The following DMD variants were observed in gnomAD, a reference collection of about 807,000 sequenced individuals.
DMD encodes the protein mutant dystrophin.
In DMD, 63 loss-of-function variants were observed where a neutral mutation model predicts 330.1. The ratio of observed to expected loss-of-function variants is 0.19; its 90% CI spans 0.16 to 0.24. The LOEUF (loss-of-function observed/expected upper bound fraction) is 0.24, where lower values mean the gene tolerates loss of function less well. Ranked by LOEUF, DMD falls within the 10% of genes least tolerant of loss-of-function variation. The pLI, the probability that DMD is intolerant of heterozygous loss-of-function variation, is 1.00. For missense variants in DMD, 3,344 were observed against 2,684.1 expected (o/e 1.25, Z -5.43); for synonymous variants, 1,223 against 959.8 (o/e 1.27, Z -5.07).
At chrX:32,085,682 ATATATATACGTATATATACACACGCG>A (rs960771342) in intron 44 of DMD, among the ~76,000 whole-genome samples, 6 of 90,928 alleles carry the variant, frequency 6.6e-5, no homozygotes, top group Non-Finnish European at 1.3e-4. Context: ...ACACACGCGT[ATATATATACGTATATATACACACGCG>A]TATATATATA....
chrX:33,129,863 T>G (rs984977915), intron 1 of DMD, among the ~76,000 whole-genome samples: 1 of 112,098 alleles, frequency 8.9e-6, no homozygotes, highest in South Asian at 3.7e-4. Flanking sequence ...CTCATTGTCG[T>G]ACTGCTTAGA....
intron 76 of DMD, among the ~76,000 whole-genome samples, chrX:31,138,040 G>T (rs2035479584): frequency 8.9e-6 from 1 of 112,023 alleles, no homozygotes; most frequent in South Asian, 3.8e-4. Context: ...TCCCTGGCCT[G>T]GGGATTCGGA....
At chrX:32,895,037 A>G (rs777254765) in intron 2 of DMD, among the ~76,000 whole-genome samples, 2 of 112,332 alleles carry the variant, frequency 1.8e-5, no homozygotes, top group East Asian at 5.7e-4. Context: ...TATGTAAACA[A>G]CAACCTTCTC....
At position 32,085,061 on chromosome X, in the gene DMD, G is replaced by A. The variant is rs185494027; in HGVS notation, c.6439-116547C>T. 2.1e-3 allele frequency among the ~76,000 whole-genome samples: 238 copies of A among 110,984 alleles called. 4 individuals are homozygous for A. The Admixed American group carries it at 0.023, about 11-fold the overall frequency. Reference sequence around the variant, plus strand: ...CATGCTGACTGTACACTCTTGAAAGGCAAGCCAAATTATTCCTTCCTAGAC... The same window carrying A: ...CATGCTGACTGTACACTCTTGAAAGACAAGCCAAATTATTCCTTCCTAGAC... On this transcript the variant is annotated intron_variant, in intron 44 of 78. Transcript: ENST00000357033.
chrX:32,086,717 T>C (rs191833365), intron 44 of DMD, among the ~76,000 whole-genome samples: 3 of 111,796 alleles, frequency 2.7e-5, no homozygotes, highest in Admixed American at 1.9e-4. Context: ...GACATTCTTA[T>C]TTGTCTGTGT....
rs557734746 is a variant in DMD at position 33,067,946 on chromosome X, C to G, written c.32-47746G>C. Among the ~76,000 whole-genome samples the G allele has an allele frequency of 3.6e-5, 4 of 112,110 alleles. No individual in the cohort carries two copies. In the South Asian group the frequency reaches 1.1e-3, roughly 31 times the overall value. ...TAATACTGATTCTCATTATAAATTA[C>G]TGTAACTTTTAGTTGTCTTAAATAT... On this transcript the variant is annotated intron_variant, in intron 1 of 78. Transcript: ENST00000357033.
intron 47 of DMD, among the ~76,000 whole-genome samples, chrX:31,899,785 A>T (rs1024581463): frequency 2.7e-5 from 3 of 111,278 alleles, no homozygotes; most frequent in Non-Finnish European, 5.7e-5. Flanking sequence ...ATACCAGAGA[A>T]TCTAATTCCA....
intron 1 of DMD, among the ~76,000 whole-genome samples, chrX:33,203,521 G>A (rs1350693822): frequency 9.0e-6 from 1 of 111,516 alleles, no homozygotes; most frequent in African/African-American, 3.3e-5. Context: ...AGATGGTAGA[G>A]ACTGTGGAAA....
chrX:31,607,438 T>C (rs1425960416), intron 55 of DMD, among the ~76,000 whole-genome samples: 1 of 112,177 alleles, frequency 8.9e-6, no homozygotes, highest in African/African-American at 3.2e-5. Context: ...TTTTGAGCAA[T>C]CAAACTCCTT....
chrX:33,124,500 A>C lies in DMD; in HGVS notation c.31+86782T>G, dbSNP rs113505342. Among the ~76,000 whole-genome samples, 60 of 104,387 alleles carry C rather than the reference A, an allele frequency of 5.7e-4. 2 individuals carry two copies. Among genetic ancestry groups the C allele is most frequent in the African/African-American group, 2.1e-3 (56 of 27,179 alleles). The allele number at this position is 104,387 out of a possible 115,157, so 90.6% of individuals were successfully genotyped here. ...TGAAAAAAAAAAAAAAAAAAAAAAA[A>C]AAAAAAAAAACCGAAAGAAATAAAA... On this transcript the variant is annotated intron_variant, in intron 1 of 78. Transcript: ENST00000357033.
At chrX:32,544,758 T>A (rs745761808) in intron 17 of DMD, among the ~76,000 whole-genome samples, 5 of 109,722 alleles carry the variant, frequency 4.6e-5, no homozygotes, top group Non-Finnish European at 3.8e-5. Context: ...ATAGGTGTAC[T>A]TCTTCATGAA....
intron 1 of DMD, among the ~76,000 whole-genome samples, chrX:33,273,249 T>G: frequency 8.9e-6 from 1 of 112,266 alleles, no homozygotes; most frequent in South Asian, 3.7e-4. Flanking sequence ...CAACCCTGGT[T>G]ATAATCTCTG....
intron 3 of DMD, among the ~76,000 whole-genome samples, chrX:32,848,481 TC>T (rs1163599561): frequency 1.8e-5 from 2 of 111,761 alleles, no homozygotes; most frequent in East Asian, 5.6e-4. Context: ...AATCTGATTT[TC>T]CCCCTTGACT....
At chrX:32,433,775 G>A (rs1291929854) in intron 29 of DMD, among the ~76,000 whole-genome samples, 1 of 112,022 alleles carries the variant, frequency 8.9e-6, no homozygotes, top group Non-Finnish European at 1.9e-5. Flanking sequence ...AAGGGTACCT[G>A]AGCCTCTGTA....
Position 31,125,320 on chromosome X carries a change from C to T in DMD, c.11046+1322G>A, listed in dbSNP as rs147802175. ...TTCCTCAATTTCTCCTCCCAGCCTA[C>T]CATTCCCTCCCTGGCCCCACTGCCC... On this transcript the variant is annotated intron_variant, in intron 78 of 78. Transcript: ENST00000357033. 5.3e-5 allele frequency among the ~76,000 whole-genome samples: 6 copies of T among 112,156 alleles called. No individual in the cohort carries two copies. The East Asian group carries it at 1.7e-3, about 31-fold the overall frequency.
chrX:33,330,401 C>T (rs1308644059), intron 1 of DMD, among the ~76,000 whole-genome samples: 1 of 111,358 alleles, frequency 9.0e-6, no homozygotes, highest in Non-Finnish European at 1.9e-5. Context: ...TCCTTTCAGC[C>T]CTCCTTTGTA....
chrX:32,702,058 A>G (rs1320026915), intron 7 of DMD, among the ~76,000 whole-genome samples: 1 of 112,078 alleles, frequency 8.9e-6, no homozygotes, highest in Non-Finnish European at 1.9e-5. Context: ...AATATTTTGA[A>G]TTTCATCAAC....
At chrX:31,659,538 C>T (rs1165537220) in intron 53 of DMD, among the ~76,000 whole-genome samples, 4 of 102,034 alleles carry the variant, frequency 3.9e-5, no homozygotes, top group Non-Finnish European at 7.8e-5. Context: ...ACTCGGGAGG[C>T]TGAGGCAGAG....
intron 45 of DMD, among the ~76,000 whole-genome samples, chrX:31,936,727 A>G (rs2094928997): frequency 9.0e-6 from 1 of 111,401 alleles, no homozygotes; most frequent in Admixed American, 9.6e-5. Context: ...CCATTTTACC[A>G]TTGTTCAGAT....
Sources: gnomAD v4.1 joint callset for allele counts (sites outside exome capture counted in the v4.1 genomes callset) on GRCh38, gnomAD v4.1.1 for gene constraint, MANE v1.5 for transcripts, NCBI Gene and HGNC (gene_info 2026-07-23, HGNC 2026-07-21) for gene names.